CSNK1G1: variants seen among roughly 807,000 people sequenced by gnomAD.
CSNK1G1 encodes casein kinase 1 gamma 1, also known as casein kinase I isoform gamma-1.
Under a neutral mutation model 59.6 loss-of-function variants are expected in CSNK1G1, and 22 were observed. That is an observed-to-expected ratio of 0.37 (90% CI 0.26 to 0.53). CSNK1G1 has a LOEUF of 0.53. Among genes scored for constraint, CSNK1G1 ranks in the 20% least tolerant of loss-of-function variants. CSNK1G1 has a pLI of 0.89. For synonymous variants in CSNK1G1, 179 were observed against 177.1 expected (o/e 1.01, Z -0.08); for missense variants, 384 against 519.5 (o/e 0.74, Z 2.54).
intron 1 of CSNK1G1, among the ~76,000 whole-genome samples, chr15:64,345,699 T>C (rs1412237028): frequency 3.9e-5 from 6 of 152,218 alleles, no homozygotes; most frequent in African/African-American, 1.4e-4. Context: ...TCGAGAACGT[T>C]AGGAAACTCT....
chr15:64,318,492 T>C (rs1285075300), intron 1 of CSNK1G1, among the ~76,000 whole-genome samples: 1 of 152,168 alleles, frequency 6.6e-6, no homozygotes, highest in Non-Finnish European at 1.5e-5. Flanking sequence ...TCATATTATT[T>C]TGGGAGGGAG....
Position 64,179,742 on chromosome 15 carries a change from G to T in CSNK1G1, c.1214+606C>A, listed in dbSNP as rs2081786840. 2.0e-5 allele frequency among the ~76,000 whole-genome samples: 3 copies of T among 152,324 alleles called. No individual in the cohort carries two copies. The South Asian group carries it at 6.2e-4, about 32-fold the overall frequency. ...GCACCAAGGGGCTGGTGGTATGGGTGGGGCAAGACATACACATGCAAGAGA... is the reference window on the plus strand; with the variant it reads ...GCACCAAGGGGCTGGTGGTATGGGTTGGGCAAGACATACACATGCAAGAGA... On this transcript the variant is annotated intron_variant, in intron 11 of 11. Coordinates refer to ENST00000303052, the MANE Select transcript of CSNK1G1 (RefSeq NM_022048.5).
chr15:64,301,894 A>G lies in CSNK1G1; in HGVS notation c.-224-1171T>C, dbSNP rs147023343. On this transcript the variant is annotated intron_variant, in intron 1 of 11. Coordinates refer to ENST00000303052, the MANE Select transcript of CSNK1G1 (RefSeq NM_022048.5). ...AGAGTGAGACTCCGTCTCAAAAAAAAAAAGAAAGAAAGAAAGAAAACTTAA... is the reference window on the plus strand; with the variant it reads ...AGAGTGAGACTCCGTCTCAAAAAAAGAAAGAAAGAAAGAAAGAAAACTTAA... Among the ~76,000 whole-genome samples the G allele has an allele frequency of 9.4e-3, 1,433 of 152,290 alleles. 21 individuals carry two copies. The highest frequency in any genetic ancestry group is 0.03 in the African/African-American group (1,253 of 41,558).
chr15:64,339,614 T>C (rs1897584944), intron 1 of CSNK1G1, among the ~76,000 whole-genome samples: 1 of 152,230 alleles, frequency 6.6e-6, no homozygotes, highest in Non-Finnish European at 1.5e-5. Context: ...CAGCAATCTG[T>C]GTTTTAACAA....
At chr15:64,273,628 C>G (rs898466513) in intron 2 of CSNK1G1, among the ~76,000 whole-genome samples, 2 of 151,182 alleles carry the variant, frequency 1.3e-5, no homozygotes, top group African/African-American at 4.9e-5. Flanking sequence ...ACGGAAGGGT[C>G]TAAATGAGGG....
intron 3 of CSNK1G1, among the ~76,000 whole-genome samples, chr15:64,255,763 T>G (rs1208740775): frequency 2.0e-5 from 3 of 152,210 alleles, no homozygotes; most frequent in Non-Finnish European, 4.4e-5. Context: ...AGATATAGAA[T>G]CCATTAATCA....
intron 4 of CSNK1G1, among the ~76,000 whole-genome samples, chr15:64,236,520 G>A (rs1289135082): frequency 1.3e-5 from 2 of 152,072 alleles, no homozygotes; most frequent in Non-Finnish European, 2.9e-5. Flanking sequence ...AGACACACAT[G>A]GCCAAGAGGT....
At chr15:64,354,813 T>C (rs577745360) in intron 1 of CSNK1G1, among the ~76,000 whole-genome samples, 3 of 152,332 alleles carry the variant, frequency 2.0e-5, no homozygotes, top group East Asian at 3.9e-4. Flanking sequence ...GTAGGTTCCA[T>C]GACTTGCCCA....
chr15:64,320,040 TACA>T (rs755689748), intron 1 of CSNK1G1, among the ~76,000 whole-genome samples: 3 of 148,948 alleles, frequency 2.0e-5, no homozygotes, highest in African/African-American at 4.9e-5. Context: ...GAGTAGCTGG[TACA>T]ACAAGTGAGC....
intron 1 of CSNK1G1, among the ~76,000 whole-genome samples, chr15:64,316,338 A>G (rs973504906): frequency 6.6e-6 from 1 of 152,120 alleles, no homozygotes; most frequent in African/African-American, 2.4e-5. Context: ...GGAGTTCAGG[A>G]CAAGCTTGGA....
intron 11 of CSNK1G1, among the ~76,000 whole-genome samples, chr15:64,177,566 A>G (rs919880328): frequency 5.9e-5 from 9 of 152,210 alleles, no homozygotes; most frequent in East Asian, 1.9e-4. Flanking sequence ...TACATCTTTT[A>G]GAAGGTCCAA....
chr15:64,213,647 T>A (rs1490258344), intron 6 of CSNK1G1, among the ~76,000 whole-genome samples: 1 of 152,202 alleles, frequency 6.6e-6, no homozygotes, highest in African/African-American at 2.4e-5. Flanking sequence ...ATAATTCAAG[T>A]ACTCACACTG....
At chr15:64,278,377 C>CGCGTGT (rs1555400347) in intron 2 of CSNK1G1, among the ~76,000 whole-genome samples, 1 of 111,488 alleles carries the variant, frequency 9.0e-6, no homozygotes, top group Non-Finnish European at 1.8e-5. Flanking sequence ...CATGTATGTG[C>CGCGTGT]GTGTGTGTGT....
At chr15:64,345,209 A>G (rs1160753270) in intron 1 of CSNK1G1, among the ~76,000 whole-genome samples, 1 of 152,204 alleles carries the variant, frequency 6.6e-6, no homozygotes, top group Non-Finnish European at 1.5e-5. Context: ...AACAATTAGT[A>G]CTCAGGCTAC....
rs8031061 is a variant in CSNK1G1 at position 64,295,536 on chromosome 15, T to C, written c.181+4783A>G. On this transcript the variant is annotated intron_variant, in intron 2 of 11. Transcript: ENST00000303052. ...CTAAGACCAAAGGCCCTGCTACTTCTGACCTGGACAATTCAGCCTTTCTTG... is the reference window on the plus strand; with the variant it reads ...CTAAGACCAAAGGCCCTGCTACTTCCGACCTGGACAATTCAGCCTTTCTTG... 8.4e-3 allele frequency among the ~76,000 whole-genome samples: 1,272 copies of C among 152,308 alleles called. 18 individuals carry two copies. The highest frequency in any genetic ancestry group is 0.029 in the African/African-American group (1,193 of 41,560).
chr15:64,199,539 A>G (rs1347787495), intron 10 of CSNK1G1, among the ~76,000 whole-genome samples: 1 of 152,166 alleles, frequency 6.6e-6, no homozygotes, highest in Non-Finnish European at 1.5e-5. Flanking sequence ...CTGAAGCAGG[A>G]AAGTAAAGGA....
chr15:64,197,287 T>C (rs906346835), intron 10 of CSNK1G1, among the ~76,000 whole-genome samples: 1 of 152,262 alleles, frequency 6.6e-6, no homozygotes, highest in Non-Finnish European at 1.5e-5. Context: ...GGAGACTCTT[T>C]AGGCATTATC....
intron 1 of CSNK1G1, among the ~76,000 whole-genome samples, chr15:64,306,943 T>C (rs572727644): frequency 3.3e-4 from 41 of 124,272 alleles, no homozygotes; most frequent in African/African-American, 1.2e-3. Context: ...ACTATGGAGA[T>C]GGTAAAAAGA....
chr15:64,317,063 C>T (rs1201898510), intron 1 of CSNK1G1: 1 of 152,102 alleles, frequency 6.6e-6, no homozygotes, highest in Non-Finnish European at 1.5e-5. Flanking sequence ...ATTATTGCTG[C>T]TATTATCATG....
Sources: gnomAD v4.1 joint callset for allele counts (sites outside exome capture counted in the v4.1 genomes callset) on GRCh38, gnomAD v4.1.1 for gene constraint, MANE v1.5 for transcripts, NCBI Gene and HGNC (gene_info 2026-07-23, HGNC 2026-07-21) for gene names.